Variants in HDAC9 observed in about 807,000 individuals in gnomAD.
HDAC9 encodes the protein MEF-2 interacting transcription repressor (MITR) protein.
A neutral mutation model predicts 139.4 loss-of-function variants in HDAC9; 41 were observed. That is an observed-to-expected ratio of 0.29 (90% CI 0.23 to 0.38). The LOEUF (loss-of-function observed/expected upper bound fraction) is 0.38, where lower values mean the gene tolerates loss of function less well. Ranked by LOEUF, HDAC9 falls within the 10% of genes least tolerant of loss-of-function variation. The pLI is 1.00. For missense variants in HDAC9, 1,147 were observed against 1,297.0 expected (o/e 0.88, Z 1.78); for synonymous variants, 517 against 476.2 (o/e 1.09, Z -1.12).
intron 1 of HDAC9, among the ~76,000 whole-genome samples, chr7:18,120,824 A>T (rs1784322458): frequency 6.6e-6 from 1 of 152,168 alleles, no homozygotes; most frequent in Non-Finnish European, 1.5e-5. Flanking sequence ...TTCAAAAGCA[A>T]TTTGATTTGC....
chr7:18,956,780 GTGAT>G (rs1397592626), intron 24 of HDAC9, among the ~76,000 whole-genome samples: 1 of 151,986 alleles, frequency 6.6e-6, no homozygotes, highest in Non-Finnish European at 1.5e-5. Context: ...CCACTTGACA[GTGAT>G]TGGTTAAGAA....
At chr7:18,670,220 G>A (rs540474060) in intron 12 of HDAC9, among the ~76,000 whole-genome samples, 1 of 152,022 alleles carries the variant, frequency 6.6e-6, no homozygotes, top group African/African-American at 2.4e-5. Context: ...ACAAAAGAAG[G>A]AGTTTGAGAC....
chr7:18,784,145 C>G lies in HDAC9; in HGVS notation c.2215-9200C>G, dbSNP rs78099276. 3.6e-4 allele frequency among the ~76,000 whole-genome samples: 3 copies of G among 8,446 alleles called. 1 individual carries two copies. The highest frequency in any genetic ancestry group is 9.3e-3 in the South Asian group (2 of 216). The allele number at this position is 8,446 out of a possible 152,430, so 5.5% of individuals were successfully genotyped here. ...TTATTATTATTATTATTATTTGGTTCTTTGTCTCTGTCTGTGGACTCATGG... is the reference window on the plus strand; with the variant it reads ...TTATTATTATTATTATTATTTGGTTGTTTGTCTCTGTCTGTGGACTCATGG... On this transcript the variant is annotated intron_variant, in intron 16 of 25. Coordinates refer to ENST00000686413, the MANE Select transcript of HDAC9 (RefSeq NM_178425.4).
intron 1 of HDAC9, among the ~76,000 whole-genome samples, chr7:18,100,811 A>G (rs1489694475): frequency 1.3e-5 from 2 of 152,074 alleles, no homozygotes; most frequent in Non-Finnish European, 2.9e-5. Flanking sequence ...TGGATGCCAG[A>G]CATCGTGAAT....
intron 2 of HDAC9, among the ~76,000 whole-genome samples, chr7:18,229,179 T>C (rs1311820581): frequency 6.6e-6 from 1 of 152,234 alleles, no homozygotes. Flanking sequence ...TGTGAATTGA[T>C]AATACAGCTA....
intron 2 of HDAC9, among the ~76,000 whole-genome samples, chr7:18,563,717 A>G (rs1430229173): frequency 7.0e-6 from 1 of 142,780 alleles, no homozygotes. Context: ...TTCCCTCAGA[A>G]CCACCCAACC....
intron 1 of HDAC9, among the ~76,000 whole-genome samples, chr7:18,446,443 G>T (rs972819866): frequency 3.3e-5 from 5 of 152,156 alleles, no homozygotes; most frequent in African/African-American, 1.2e-4. Context: ...AAGGTTTAGG[G>T]ATACACTTTT....
At chr7:18,871,629 G>A (rs73684003) in intron 21 of HDAC9, among the ~76,000 whole-genome samples, 15,452 of 152,144 alleles carry the variant, frequency 0.1, 1,375 homozygotes, top group African/African-American at 0.24. Flanking sequence ...CAATTTTTCA[G>A]ATAAAATTTT....
chr7:18,123,828 G>A (rs1784499268), intron 1 of HDAC9, among the ~76,000 whole-genome samples: 1 of 152,180 alleles, frequency 6.6e-6, no homozygotes, highest in Admixed American at 6.5e-5. Context: ...AAAACAGGCA[G>A]TTTAAGCAGT....
intron 1 of HDAC9, among the ~76,000 whole-genome samples, chr7:18,438,335 G>A (rs1328285117): frequency 2.0e-5 from 3 of 152,002 alleles, no homozygotes; most frequent in Non-Finnish European, 4.4e-5. Flanking sequence ...ATCCAGTGTT[G>A]GTAATGCTAT....
At chr7:18,549,216 G>A (rs2128652523) in intron 2 of HDAC9, among the ~76,000 whole-genome samples, 1 of 152,190 alleles carries the variant, frequency 6.6e-6, no homozygotes, top group South Asian at 2.1e-4. Context: ...CCAGCCTGGT[G>A]ACAGAGCAAG....
chr7:18,448,708 G>A (rs1034025396), intron 1 of HDAC9, among the ~76,000 whole-genome samples: 1 of 151,944 alleles, frequency 6.6e-6, no homozygotes, highest in African/African-American at 2.4e-5. Context: ...AAAATATATT[G>A]CAAAAATGGT....
chr7:18,907,139 G>T (rs2129286434), intron 22 of HDAC9: 1 of 152,318 alleles, frequency 6.6e-6, no homozygotes, highest in Non-Finnish European at 1.5e-5. Context: ...TGATCTCGAG[G>T]GTAGGAGTCA....
At chr7:18,668,068 G>A (rs557939033) in intron 12 of HDAC9, 4 of 975,030 alleles carry the variant, frequency 4.1e-6, no homozygotes, top group Non-Finnish European at 4.9e-6. Context: ...TCAACTGTAT[G>A]TTATTGGCAC....
chr7:18,676,622 C>T (rs2129087187), intron 12 of HDAC9, among the ~76,000 whole-genome samples: 1 of 152,048 alleles, frequency 6.6e-6, no homozygotes, highest in East Asian at 1.9e-4. Context: ...GTTTATTTTT[C>T]TACTGTAAAT....
chr7:18,912,199 T>C (rs1341274372), intron 22 of HDAC9, among the ~76,000 whole-genome samples: 1 of 152,056 alleles, frequency 6.6e-6, no homozygotes, highest in Non-Finnish European at 1.5e-5. Context: ...TTAAATACTC[T>C]TGCTCAATTC....
At chr7:18,647,756 A>G (rs1457708787) in intron 9 of HDAC9, 29 bp from the exon 10 acceptor site, 1 of 1,562,842 alleles carries the variant, frequency 6.4e-7, no homozygotes, top group Non-Finnish European at 8.7e-7. Context: ...ATGAAAGAGG[A>G]TTAACATCTT....
At chr7:18,430,528 A>G (rs1337282164) in intron 1 of HDAC9, 1 of 151,918 alleles carries the variant, frequency 6.6e-6, no homozygotes, top group East Asian at 1.9e-4. Flanking sequence ...CTCACCTCAA[A>G]TTCTAAATTA....
intron 1 of HDAC9, among the ~76,000 whole-genome samples, chr7:18,390,529 T>G (rs954232349): frequency 1.3e-5 from 2 of 152,208 alleles, no homozygotes; most frequent in African/African-American, 4.8e-5. Context: ...TGTAGTAGTT[T>G]GGTACAGGCT....
Sources: gnomAD v4.1 joint callset for allele counts (sites outside exome capture counted in the v4.1 genomes callset) on GRCh38, gnomAD v4.1.1 for gene constraint, MANE v1.5 for transcripts, NCBI Gene and HGNC (gene_info 2026-07-23, HGNC 2026-07-21) for gene names.